ARFIP1: variants seen among roughly 807,000 people sequenced by gnomAD.
ARFIP1 encodes ARF interacting protein 1.
A neutral mutation model predicts 42.5 loss-of-function variants in ARFIP1; 24 were observed. The observed-to-expected ratio is 0.57, with a 90% CI of 0.41 to 0.80. The LOEUF is 0.80. Among genes scored for constraint, ARFIP1 ranks in the 30% least tolerant of loss-of-function variants. ARFIP1 has a pLI of 0.00. For missense variants in ARFIP1, 354 were observed against 434.0 expected (o/e 0.82, Z 1.64); for synonymous variants, 141 against 153.7 (o/e 0.92, Z 0.61).
At position 152,795,820 on chromosome 4, in the gene ARFIP1, ATTTTTTTTTTTTTTTT is replaced by A. The variant is rs56845391; in HGVS notation, c.-10+15611_-10+15626del. 5.0e-4 allele frequency among the ~76,000 whole-genome samples: 14 copies of A among 28,066 alleles called. 1 individual carries two copies. Among genetic ancestry groups the A allele is most frequent in the East Asian group, 2.4e-3 (2 of 826 alleles). 18.4% of individuals were successfully genotyped at this position (28,066 alleles called of 152,430 possible). Reference sequence around the variant, plus strand: ...CGATTGTTACTTGAGGGCCCTTGTAATTTTTTTTTTTTTTTTTTTTTTTTTTTTTTTTGGTGAATTG... The same window carrying A: ...CGATTGTTACTTGAGGGCCCTTGTAATTTTTTTTTTTTTTTTGGTGAATTG... On this transcript the variant is annotated intron_variant, in intron 1 of 8. Coordinates refer to ENST00000353617, the MANE Select transcript of ARFIP1 (RefSeq NM_001025595.3).
rs765474391 is a variant in ARFIP1 at position 152,881,144 on chromosome 4, A to C, written c.593A>C (p.Asp198Ala). 1 of 1,613,668 alleles carries C rather than the reference A, an allele frequency of 6.2e-7. No homozygotes were observed. The highest frequency in any genetic ancestry group is 8.5e-7 in the Non-Finnish European group (1 of 1,179,766). ...GTACATACCCAAAGGCAACTTGGAG[A>C]TGCATTTGCTGACCTGAGTTTGAAG... ...QMVHTQRQLG[D>A]AFADLSLKSL... The change falls in exon 6 of 9, where the codon GAT (aspartate) becomes GCT (alanine). Residue 198 changes from aspartate (D) to alanine (A), a missense_variant. By Grantham distance (126) the Asp-to-Ala change is moderately radical. Coordinates refer to ENST00000353617, the MANE Select transcript of ARFIP1 (RefSeq NM_001025595.3).
At position 152,780,033 on chromosome 4, in the gene ARFIP1, CGGTTGGTCAGTGTGAATTT is replaced by C. The variant is rs1578780740; in HGVS notation, c.-201_-183del. 3 of 152,604 alleles carry C rather than the reference CGGTTGGTCAGTGTGAATTT, an allele frequency of 2.0e-5. No individual in the cohort carries two copies. In the East Asian group the frequency reaches 5.8e-4, roughly 29 times the overall value. The allele number at this position is 152,604 out of a possible 1,614,324, so 9.5% of individuals were successfully genotyped here. On this transcript the variant is annotated 5_prime_UTR_variant, in exon 1 of 9. Transcript: ENST00000353617. Reference sequence around the variant, plus strand: ...AGGTCGCCGGTCCGACTGTCCTCGGCGGTTGGTCAGTGTGAATTTGTGACAGCTGCAGTTGCTCCCCGCC... The same window carrying C: ...AGGTCGCCGGTCCGACTGTCCTCGGCGTGACAGCTGCAGTTGCTCCCCGCC...
chr4:152,849,640 A>G (rs1377626784), intron 2 of ARFIP1, among the ~76,000 whole-genome samples: 1 of 152,072 alleles, frequency 6.6e-6, no homozygotes, highest in East Asian at 1.9e-4. Flanking sequence ...GAGAGGGAGA[A>G]AAGAAGATTG....
chr4:152,822,666 A>ATG (rs1730485304), intron 1 of ARFIP1, among the ~76,000 whole-genome samples: 1 of 152,232 alleles, frequency 6.6e-6, no homozygotes, highest in Non-Finnish European at 1.5e-5. Context: ...GATAGGCCAC[A>ATG]AAACAAGTCT....
intron 1 of ARFIP1, among the ~76,000 whole-genome samples, chr4:152,791,395 T>C (rs1731139347): frequency 6.6e-6 from 1 of 152,198 alleles, no homozygotes; most frequent in Non-Finnish European, 1.5e-5. Flanking sequence ...AACATATAGT[T>C]TTAAAATGGA....
intron 2 of ARFIP1, among the ~76,000 whole-genome samples, chr4:152,851,434 A>C (rs896665971): frequency 6.6e-6 from 1 of 152,230 alleles, no homozygotes; most frequent in Non-Finnish European, 1.5e-5. Context: ...GTGAGACCAT[A>C]GAACTGGAAA....
At chr4:152,890,828 A>G (rs1736784629) in intron 8 of ARFIP1, among the ~76,000 whole-genome samples, 1 of 152,210 alleles carries the variant, frequency 6.6e-6, no homozygotes, top group African/African-American at 2.4e-5. Flanking sequence ...TTTAAGAATA[A>G]TGTTATTAGT....
intron 7 of ARFIP1, among the ~76,000 whole-genome samples, chr4:152,885,033 A>C (rs1020502015): frequency 1.3e-5 from 2 of 152,058 alleles, no homozygotes; most frequent in African/African-American, 4.8e-5. Flanking sequence ...TTTTTATTCA[A>C]ATTACAATGT....
intron 2 of ARFIP1, among the ~76,000 whole-genome samples, chr4:152,839,350 G>T (rs925896142): frequency 6.6e-6 from 1 of 152,072 alleles, no homozygotes; most frequent in Non-Finnish European, 1.5e-5. Context: ...GTGTCAAAAG[G>T]ATTGGTACCA....
intron 1 of ARFIP1, among the ~76,000 whole-genome samples, chr4:152,781,202 T>C (rs966733011): frequency 2.6e-5 from 4 of 152,072 alleles, no homozygotes; most frequent in Non-Finnish European, 5.9e-5. Context: ...CAGCCGTCTG[T>C]TAAGGCTTCA....
At chr4:152,821,546 GA>G (rs900432788) in intron 1 of ARFIP1, among the ~76,000 whole-genome samples, 4 of 150,868 alleles carry the variant, frequency 2.7e-5, no homozygotes, top group Non-Finnish European at 4.4e-5. Flanking sequence ...AGAAGAAAAA[GA>G]AAAAAAAATT....
At chr4:152,819,531 TGGCAGCTTCACTG>T in intron 1 of ARFIP1, among the ~76,000 whole-genome samples, 1 of 152,116 alleles carries the variant, frequency 6.6e-6, no homozygotes, top group East Asian at 1.9e-4. Flanking sequence ...GCCTGGAGTA[TGGCAGCTTCACTG>T]GGCAGCTACA....
At chr4:152,840,329 C>G (rs1477054524) in intron 2 of ARFIP1, among the ~76,000 whole-genome samples, 1 of 152,128 alleles carries the variant, frequency 6.6e-6, no homozygotes, top group Admixed American at 6.5e-5. Flanking sequence ...GATGACCTGT[C>G]TAGTGCTGTC....
At chr4:152,882,951 A>G (rs533289830) in intron 7 of ARFIP1, 71 bp downstream of exon 7, 3 of 1,477,360 alleles carry the variant, frequency 2.0e-6, no homozygotes, top group African/African-American at 2.9e-5. Flanking sequence ...TTTTGGTTAC[A>G]AACAACAGAA....
chr4:152,782,286 T>A (rs1730557229), intron 1 of ARFIP1, among the ~76,000 whole-genome samples: 1 of 152,030 alleles, frequency 6.6e-6, no homozygotes, highest in Non-Finnish European at 1.5e-5. Context: ...TTGTTTGCTT[T>A]GGGACCAAGG....
chr4:152,853,781 G>A lies in ARFIP1; in HGVS notation c.94-9825G>A, dbSNP rs184867922. Among the ~76,000 whole-genome samples the A allele has an allele frequency of 1.0e-3, 157 of 151,954 alleles. 1 individual carries two copies. Among genetic ancestry groups the A allele is most frequent in the African/African-American group, 3.5e-3 (143 of 41,448 alleles). On this transcript the variant is annotated intron_variant, in intron 2 of 8. Transcript: ENST00000353617. ...TTCTCTCTTCACCCTCTGGGACCCC[G>A]ATAATATGAATATTTGGTCACTTTA...
intron 1 of ARFIP1, among the ~76,000 whole-genome samples, chr4:152,780,489 C>T (rs990085576): frequency 4.6e-5 from 7 of 152,192 alleles, no homozygotes; most frequent in Non-Finnish European, 8.8e-5. Flanking sequence ...CTTGGCTTTG[C>T]ATACATTGGG....
intron 1 of ARFIP1, among the ~76,000 whole-genome samples, chr4:152,800,496 A>G (rs890727324): frequency 1.3e-4 from 20 of 152,192 alleles, no homozygotes; most frequent in African/African-American, 4.1e-4. Context: ...ACTGTATAGA[A>G]AAAAACTATT....
At chr4:152,837,489 T>C (rs535458024) in intron 2 of ARFIP1, among the ~76,000 whole-genome samples, 1 of 152,234 alleles carries the variant, frequency 6.6e-6, no homozygotes, top group African/African-American at 2.4e-5. Flanking sequence ...TGAGGTGATA[T>C]TGCGTTGTGG....
Sources: allele counts gnomAD v4.1 joint callset (sites outside exome capture counted in the v4.1 genomes callset), GRCh38; gene constraint gnomAD v4.1.1; transcripts MANE v1.5; gene names NCBI Gene and HGNC (gene_info 2026-07-23, HGNC 2026-07-21).